The following VTI1A variants were observed in gnomAD, a reference collection of about 807,000 sequenced individuals.
The protein encoded by VTI1A is vesicle transport through interaction with t-SNAREs homolog 1A.
A neutral mutation model predicts 34.9 loss-of-function variants in VTI1A; 22 were observed. The ratio of observed to expected loss-of-function variants is 0.63; its 90% CI spans 0.45 to 0.90. The LOEUF is 0.90. Ranked by LOEUF, VTI1A falls within the 40% of genes least tolerant of loss-of-function variation. The pLI is 0.00. For missense variants in VTI1A, 268 were observed against 275.6 expected (o/e 0.97, Z 0.20); for synonymous variants, 87 against 97.3 (o/e 0.89, Z 0.62).
At chr10:112,737,930 C>T in intron 7 of VTI1A, 1 of 1,061,238 alleles carries the variant, frequency 9.4e-7, no homozygotes, top group Non-Finnish European at 1.1e-6. Flanking sequence ...GAGGTATGTC[C>T]CCTCTAGGCA....
chr10:112,746,375 G>A (rs1053399375), intron 7 of VTI1A, among the ~76,000 whole-genome samples: 9 of 152,180 alleles, frequency 5.9e-5, no homozygotes, highest in Non-Finnish European at 1.2e-4. Flanking sequence ...AATTAGAAGG[G>A]GGACAGCCAG....
intron 7 of VTI1A, among the ~76,000 whole-genome samples, chr10:112,807,672 G>A (rs1264964503): frequency 6.6e-6 from 1 of 151,956 alleles, no homozygotes; most frequent in Non-Finnish European, 1.5e-5. Context: ...TGGCCAACAT[G>A]GTAAAACCCC....
intron 3 of VTI1A, among the ~76,000 whole-genome samples, chr10:112,486,283 CT>C (rs1406458747): frequency 2.0e-5 from 3 of 152,154 alleles, no homozygotes; most frequent in Non-Finnish European, 4.4e-5. Context: ...CACCAACTAC[CT>C]TTGAGAATTT....
chr10:112,780,775 G>A (rs145049259), intron 7 of VTI1A, among the ~76,000 whole-genome samples: 23 of 152,020 alleles, frequency 1.5e-4, no homozygotes, highest in African/African-American at 3.9e-4. Context: ...GCACGATTCC[G>A]CCTCTGTTTC....
chr10:112,569,599 A>G (rs1852041863), intron 5 of VTI1A, among the ~76,000 whole-genome samples: 1 of 152,240 alleles, frequency 6.6e-6, no homozygotes, highest in African/African-American at 2.4e-5. Flanking sequence ...TGATGTTGGC[A>G]GATAACTGTA....
intron 1 of VTI1A, among the ~76,000 whole-genome samples, chr10:112,453,365 A>G (rs1847310584): frequency 6.6e-6 from 1 of 152,194 alleles, no homozygotes; most frequent in Admixed American, 6.5e-5. Flanking sequence ...TTTGGAAGAA[A>G]ATCATATATG....
intron 3 of VTI1A, among the ~76,000 whole-genome samples, chr10:112,479,413 G>T (rs1848390381): frequency 6.6e-6 from 1 of 152,094 alleles, no homozygotes. Flanking sequence ...CACAGGGAGG[G>T]GTTCTCTCTG....
Position 112,818,368 on chromosome 10 carries a change from C to T in VTI1A, c.*2985C>T, listed in dbSNP as rs2134100533. On this transcript the variant is annotated 3_prime_UTR_variant, in exon 8 of 8. Transcript: ENST00000393077. ...TTGGGTTTTCATTACCAAACAGCAT[C>T]CAGAGATTATCAACCCATAGAAGAA... The T allele has an allele frequency of 4.3e-6, 1 of 232,714 alleles. No homozygotes were observed. 14.4% of individuals were successfully genotyped at this position (232,714 alleles called of 1,614,324 possible).
At chr10:112,687,219 C>T (rs796137097) in intron 7 of VTI1A, among the ~76,000 whole-genome samples, 849 of 84,650 alleles carry the variant, frequency 0.01, 23 homozygotes, top group African/African-American at 0.045. Flanking sequence ...CATACTACAA[C>T]TTTTTTTTTT....
chr10:112,691,453 G>A (rs1411894880), intron 7 of VTI1A, among the ~76,000 whole-genome samples: 1 of 152,042 alleles, frequency 6.6e-6, no homozygotes, highest in Non-Finnish European at 1.5e-5. Context: ...CTCTGAGAGA[G>A]CTAGTTTAGT....
At chr10:112,582,655 A>C (rs1196237858) in intron 5 of VTI1A, among the ~76,000 whole-genome samples, 1 of 152,180 alleles carries the variant, frequency 6.6e-6, no homozygotes, top group African/African-American at 2.4e-5. Flanking sequence ...TACCTTGTTA[A>C]ATTTGTTATG....
At chr10:112,663,048 T>G (rs1276386948) in intron 5 of VTI1A, among the ~76,000 whole-genome samples, 1 of 152,254 alleles carries the variant, frequency 6.6e-6, no homozygotes, top group African/African-American at 2.4e-5. Flanking sequence ...TCTTAAAATA[T>G]AAGCACACAA....
chr10:112,779,186 A>G (rs1003794717), intron 7 of VTI1A, among the ~76,000 whole-genome samples: 2 of 152,220 alleles, frequency 1.3e-5, no homozygotes, highest in African/African-American at 4.8e-5. Flanking sequence ...TAGAGGCCAG[A>G]TATTTTCAGT....
intron 7 of VTI1A, among the ~76,000 whole-genome samples, chr10:112,762,443 C>T (rs1281981975): frequency 6.6e-6 from 1 of 152,186 alleles, no homozygotes; most frequent in East Asian, 1.9e-4. Context: ...GTAGTTAAAG[C>T]TTCCTAAAGT....
chr10:112,765,526 C>T (rs906837521), intron 7 of VTI1A, among the ~76,000 whole-genome samples: 1 of 152,138 alleles, frequency 6.6e-6, no homozygotes, highest in African/African-American at 2.4e-5. Flanking sequence ...TCCTTTTAAG[C>T]ATTACATTTA....
chr10:112,596,175 G>C (rs933843243), intron 5 of VTI1A, among the ~76,000 whole-genome samples: 1 of 151,422 alleles, frequency 6.6e-6, no homozygotes, highest in Non-Finnish European at 1.5e-5. Context: ...GGTGGAGTGA[G>C]GGGGGAGGGA....
chr10:112,462,996 C>T (rs191826361), intron 2 of VTI1A, among the ~76,000 whole-genome samples: 141 of 152,270 alleles, frequency 9.3e-4, no homozygotes, highest in African/African-American at 3.2e-3. Context: ...ACGATCTCGG[C>T]TCACTGCAAC....
intron 7 of VTI1A, among the ~76,000 whole-genome samples, chr10:112,790,197 G>T (rs1852414040): frequency 6.6e-6 from 1 of 152,124 alleles, no homozygotes; most frequent in African/African-American, 2.4e-5. Context: ...TTAGTGGTCA[G>T]CCAATGACTG....
At chr10:112,651,329 A>G (rs1332364676) in intron 5 of VTI1A, among the ~76,000 whole-genome samples, 1 of 152,118 alleles carries the variant, frequency 6.6e-6, no homozygotes, top group African/African-American at 2.4e-5. Context: ...TTATTTTTTG[A>G]GATGGAGTTT....
Sources: allele counts gnomAD v4.1 joint callset (sites outside exome capture counted in the v4.1 genomes callset), GRCh38; gene constraint gnomAD v4.1.1; transcripts MANE v1.5; gene names NCBI Gene and HGNC (gene_info 2026-07-23, HGNC 2026-07-21).